The following CPA6 variants were observed in gnomAD, a reference collection of about 807,000 sequenced individuals.
CPA6 encodes carboxypeptidase A6.
Under a neutral mutation model 63.3 loss-of-function variants are expected in CPA6, and 58 were observed. The ratio of observed to expected loss-of-function variants is 0.92; its 90% CI spans 0.74 to 1.14. The LOEUF (loss-of-function observed/expected upper bound fraction) is 1.14, where lower values mean the gene tolerates loss of function less well. Among genes scored for constraint, CPA6 ranks in the 50% most tolerant of loss-of-function variants. The pLI is 0.00. For synonymous variants in CPA6, 185 were observed against 179.0 expected (o/e 1.03, Z -0.27); for missense variants, 565 against 526.6 (o/e 1.07, Z -0.71).
chr8:67,452,767 G>A (rs1460973651), intron 8 of CPA6: 1 of 152,254 alleles, frequency 6.6e-6, no homozygotes, highest in East Asian at 1.9e-4. Context: ...TGGGGAGTTG[G>A]GTTGCAATGA....
chr8:67,607,169 CTCTTCT>C (rs1211819002), intron 2 of CPA6, among the ~76,000 whole-genome samples: 665 of 28,310 alleles, frequency 0.023, 20 homozygotes, highest in Middle Eastern at 0.036. Context: ...CTTCTTCTTC[CTCTTCT>C]TCTTCTTCTT....
At chr8:67,668,344 A>T (rs1210729268) in intron 1 of CPA6, among the ~76,000 whole-genome samples, 1 of 152,210 alleles carries the variant, frequency 6.6e-6, no homozygotes. Context: ...CACTCAATAA[A>T]AGCTTCTACA....
intron 1 of CPA6, among the ~76,000 whole-genome samples, chr8:67,685,704 A>T: frequency 6.6e-6 from 1 of 152,240 alleles, no homozygotes; most frequent in East Asian, 1.9e-4. Flanking sequence ...AAAAATTCAC[A>T]GTTGTCATTC....
chr8:67,609,750 G>A (rs1180655880), intron 2 of CPA6, among the ~76,000 whole-genome samples: 4 of 152,148 alleles, frequency 2.6e-5, no homozygotes, highest in East Asian at 1.9e-4. Context: ...GGTCGGGCAC[G>A]GTGGCTCATG....
intron 2 of CPA6, among the ~76,000 whole-genome samples, chr8:67,542,667 T>C (rs1812732326): frequency 6.6e-6 from 1 of 152,232 alleles, no homozygotes; most frequent in Non-Finnish European, 1.5e-5. Context: ...GGTTCATACA[T>C]GATCCACCCA....
At chr8:67,660,032 A>G (rs976102577) in intron 1 of CPA6, among the ~76,000 whole-genome samples, 3 of 152,204 alleles carry the variant, frequency 2.0e-5, no homozygotes, top group African/African-American at 7.2e-5. Context: ...TCTAGGTAGA[A>G]AGCAGTTACA....
At chr8:67,425,973 T>G (rs962408988) in intron 10 of CPA6, among the ~76,000 whole-genome samples, 15 of 151,604 alleles carry the variant, frequency 9.9e-5, no homozygotes, top group Non-Finnish European at 1.8e-4. Flanking sequence ...CTTGGCTCAC[T>G]GCAATCTCTG....
chr8:67,717,709 A>G (rs1195949116), intron 1 of CPA6, among the ~76,000 whole-genome samples: 1 of 152,232 alleles, frequency 6.6e-6, no homozygotes, highest in African/African-American at 2.4e-5. Context: ...GAACACTTGC[A>G]GATGTGATAA....
chr8:67,605,043 G>T (rs1242978895), intron 2 of CPA6, among the ~76,000 whole-genome samples: 1 of 149,618 alleles, frequency 6.7e-6, no homozygotes, highest in African/African-American at 2.5e-5. Flanking sequence ...CTCCAAAACT[G>T]TTGGGATTAC....
At chr8:67,631,487 G>A (rs752390175) in intron 1 of CPA6, among the ~76,000 whole-genome samples, 10 of 152,122 alleles carry the variant, frequency 6.6e-5, no homozygotes, top group Non-Finnish European at 1.3e-4. Context: ...GAGAACTTTC[G>A]TGTCTAGCTC....
intron 1 of CPA6, among the ~76,000 whole-genome samples, chr8:67,713,619 C>T (rs1284521254): frequency 6.6e-6 from 1 of 152,080 alleles, no homozygotes; most frequent in Non-Finnish European, 1.5e-5. Context: ...ACAGTAAATG[C>T]CCTGGGTAGT....
In CPA6 at chr8:67,528,482, C is replaced by T. The variant is rs141066943; in HGVS notation, c.193-10435G>A. Among the ~76,000 whole-genome samples the T allele has an allele frequency of 3.4e-3, 523 of 152,204 alleles. 3 individuals are homozygous for T. Among genetic ancestry groups the T allele is most frequent in the African/African-American group, 0.011 (471 of 41,524 alleles). The stretch of plus-strand genomic sequence containing the variant: ...ACTGTGTCCCAGAAATGGCTTTCTG[C>T]GGGGGGCCATCATTTCCCCTAGGAC... On this transcript the variant is annotated intron_variant, in intron 2 of 10. Coordinates refer to ENST00000297770, the MANE Select transcript of CPA6 (RefSeq NM_020361.5).
intron 8 of CPA6, among the ~76,000 whole-genome samples, chr8:67,455,260 G>A (rs78761215): frequency 2.8e-3 from 422 of 152,220 alleles, no homozygotes; most frequent in Non-Finnish European, 4.2e-3. Context: ...GCAGTGACAG[G>A]CATTCCACTG....
intron 1 of CPA6, among the ~76,000 whole-genome samples, chr8:67,664,549 C>G (rs532212366): frequency 3.3e-5 from 5 of 152,276 alleles, no homozygotes; most frequent in South Asian, 2.1e-4. Flanking sequence ...GAATAACCCA[C>G]TTTGTATATC....
intron 2 of CPA6, among the ~76,000 whole-genome samples, chr8:67,564,323 TTTTG>T (rs1186325098): frequency 6.6e-6 from 1 of 152,134 alleles, no homozygotes; most frequent in African/African-American, 2.4e-5. Context: ...CTAAAGCTTT[TTTTG>T]TTTGTTTGTT....
intron 1 of CPA6, among the ~76,000 whole-genome samples, chr8:67,662,063 C>G (rs1816121728): frequency 1.3e-5 from 2 of 152,130 alleles, no homozygotes; most frequent in South Asian, 4.2e-4. Flanking sequence ...ACCACCACCC[C>G]CTCCTAAGAC....
rs1159131037 is a variant in CPA6, at chr8:67,517,925, G to C, written c.315C>G (p.Tyr105Ter). 6.2e-7 allele frequency: 1 copy of C among 1,607,890 alleles called. No individual in the cohort carries two copies. The highest frequency in any genetic ancestry group is 8.5e-7 in the Non-Finnish European group (1 of 1,177,970). Reference protein sequence around the residue: ...LAFLQEANIQYKVLIEDLQKT... With the variant: ...LAFLQEANIQ The stretch of plus-strand genomic sequence containing the variant: ...AGCAAGTGAAAAGGAATGCTTACTT[G>C]TACTGGATGTTGGCTTCCTGTAAGA... The change falls in exon 3 of 11, where the codon TAC becomes TAG. Residue 105 changes from tyrosine (Y) to a stop codon, truncating the protein, a stop_gained and splice_region_variant. Coordinates refer to ENST00000297770, the MANE Select transcript of CPA6 (RefSeq NM_020361.5). LOFTEE classifies it high-confidence loss of function.
In CPA6 at chr8:67,712,575, G is replaced by A. The variant is rs544285040; in HGVS notation, c.116+33439C>T. Among the ~76,000 whole-genome samples, 4 of 152,240 alleles carry A rather than the reference G, an allele frequency of 2.6e-5. No homozygotes were observed. In the South Asian group the frequency reaches 8.3e-4, roughly 32 times the overall value. On this transcript the variant is annotated intron_variant, in intron 1 of 10. Coordinates refer to ENST00000297770, the MANE Select transcript of CPA6 (RefSeq NM_020361.5). ...GCTGGGAGCATGAATCCTCATAAGG[G>A]ATATGAGAATTCCTTCCAGAATGTC... is the stretch of plus-strand genomic sequence containing the variant.
At chr8:67,443,892 T>G (rs879344689) in intron 8 of CPA6, among the ~76,000 whole-genome samples, 3 of 152,178 alleles carry the variant, frequency 2.0e-5, no homozygotes, top group Non-Finnish European at 4.4e-5. Flanking sequence ...ATTTGGAAGA[T>G]TAACTAATTG....
Sources: gnomAD v4.1 joint callset for allele counts (sites outside exome capture counted in the v4.1 genomes callset) on GRCh38, gnomAD v4.1.1 for gene constraint, MANE v1.5 for transcripts, NCBI Gene and HGNC (gene_info 2026-07-23, HGNC 2026-07-21) for gene names.